SQOR: variants seen among roughly 807,000 people sequenced by gnomAD.
SQOR encodes the protein sulfide quinone oxidoreductase, also known as sulfide:quinone oxidoreductase, mitochondrial.
A neutral mutation model predicts 48.6 loss-of-function variants in SQOR; 39 were observed. The ratio of observed to expected loss-of-function variants is 0.80; its 90% CI spans 0.62 to 1.05. SQOR has a LOEUF of 1.05. Ranked by LOEUF, SQOR falls within the 50% of genes least tolerant of loss-of-function variation. SQOR has a pLI of 0.00. For missense variants in SQOR, 561 were observed against 559.9 expected, an observed-to-expected ratio of 1.00 and a Z score of -0.02; for synonymous variants, 220 against 206.2, an observed-to-expected ratio of 1.07 and a Z score of -0.57.
Position 45,651,335 on chromosome 15 carries a change from C to T in SQOR, c.-17-7572C>T, listed in dbSNP as rs143828559. Among the ~76,000 whole-genome samples the T allele has an allele frequency of 3.8e-3, 578 of 152,294 alleles. 3 individuals carry two copies. The highest frequency in any genetic ancestry group is 0.013 in the African/African-American group (550 of 41,578). On this transcript the variant is annotated intron_variant, in intron 1 of 9. Coordinates refer to ENST00000260324, the MANE Select transcript of SQOR (RefSeq NM_021199.4). Reference sequence around the variant, plus strand: ...GCTGAGCCCACGCCCACCCAGAACTCGTGCTGGCCCGCGAGCGTCGCTGGC... The same window carrying T: ...GCTGAGCCCACGCCCACCCAGAACTTGTGCTGGCCCGCGAGCGTCGCTGGC...
intron 2 of SQOR, among the ~76,000 whole-genome samples, chr15:45,661,352 A>C (rs1889717432): frequency 7.9e-5 from 12 of 151,140 alleles, no homozygotes; most frequent in Admixed American, 7.9e-4. Flanking sequence ...AAGATAGTGA[A>C]AGTTTGGGTA....
intron 1 of SQOR, among the ~76,000 whole-genome samples, chr15:45,650,841 C>T (rs1889470651): frequency 6.6e-6 from 1 of 152,180 alleles, no homozygotes; most frequent in Non-Finnish European, 1.5e-5. Context: ...TTCTCCAAGT[C>T]CCCACCAGAT....
chr15:45,662,238 C>G (rs140029707), intron 3 of SQOR, 113 bp downstream of exon 3: 1 of 1,134,506 alleles, frequency 8.8e-7, no homozygotes, highest in African/African-American at 1.5e-5. Context: ...CATGTGTGTG[C>G]ATGAACGTAT....
At chr15:45,646,038 A>G (rs1381174346) in intron 1 of SQOR, 1 of 152,170 alleles carries the variant, frequency 6.6e-6, no homozygotes. Context: ...TTCTCATTCA[A>G]AATACATATT....
chr15:45,653,453 T>C (rs962742215), intron 1 of SQOR, among the ~76,000 whole-genome samples: 1 of 152,044 alleles, frequency 6.6e-6, no homozygotes, highest in Non-Finnish European at 1.5e-5. Context: ...GGAAGAGACA[T>C]ATGGGGCAAG....
intron 1 of SQOR, among the ~76,000 whole-genome samples, chr15:45,652,595 A>T (rs1160869418): frequency 8.8e-6 from 1 of 113,546 alleles, no homozygotes; most frequent in Non-Finnish European, 1.7e-5. Context: ...TGACCCGCCC[A>T]CCTCAGCCTC....
chr15:45,650,538 G>A (rs1378490072), intron 1 of SQOR, among the ~76,000 whole-genome samples: 11 of 152,226 alleles, frequency 7.2e-5, no homozygotes, highest in African/African-American at 2.4e-4. Flanking sequence ...AGCAAAAGAA[G>A]AAAGCATCCA....
intron 1 of SQOR, among the ~76,000 whole-genome samples, chr15:45,657,873 A>G (rs1372916701): frequency 1.3e-5 from 2 of 152,172 alleles, no homozygotes; most frequent in Non-Finnish European, 2.9e-5. Context: ...GGTGAACCCT[A>G]AGAACTGGAC....
intron 1 of SQOR, among the ~76,000 whole-genome samples, chr15:45,647,304 T>C (rs923720631): frequency 6.7e-6 from 1 of 150,036 alleles, no homozygotes; most frequent in Non-Finnish European, 1.5e-5. Flanking sequence ...CCTCACTCCA[T>C]GGGATTCAAC....
chr15:45,653,813 G>A (rs1307871565), intron 1 of SQOR, among the ~76,000 whole-genome samples: 1 of 152,168 alleles, frequency 6.6e-6, no homozygotes, highest in Non-Finnish European at 1.5e-5. Context: ...AACAAAGACA[G>A]AATATGTTTT....
chr15:45,652,174 G>A (rs56081351), intron 1 of SQOR, among the ~76,000 whole-genome samples: 13,780 of 151,866 alleles, frequency 0.091, 752 homozygotes, highest in Middle Eastern at 0.22. Flanking sequence ...ACGTCCGGCC[G>A]GTAGTTAATT....
intron 6 of SQOR, among the ~76,000 whole-genome samples, chr15:45,681,097 C>T (rs1245123763): frequency 1.3e-5 from 2 of 151,920 alleles, no homozygotes; most frequent in African/African-American, 4.8e-5. Flanking sequence ...GTGCGTGCCT[C>T]CTGGCTGAGG....
At chr15:45,659,276 G>T in intron 2 of SQOR, 119 bp downstream of exon 2, 1 of 765,614 alleles carries the variant, frequency 1.3e-6, no homozygotes, top group Non-Finnish European at 1.9e-6. Flanking sequence ...CATATGTTCA[G>T]GTTAGGGCTT....
intron 1 of SQOR, among the ~76,000 whole-genome samples, chr15:45,651,534 G>A (rs1049648873): frequency 5.3e-5 from 8 of 152,276 alleles, no homozygotes; most frequent in Admixed American, 2.0e-4. Context: ...GAGCGAGTGA[G>A]GGCTGCGAGG....
At chr15:45,659,525 G>A (rs1889683236) in intron 2 of SQOR, among the ~76,000 whole-genome samples, 1 of 152,140 alleles carries the variant, frequency 6.6e-6, no homozygotes, top group Non-Finnish European at 1.5e-5. Flanking sequence ...CTGCAGCCTG[G>A]GTGAGAGGGA....
intron 1 of SQOR, among the ~76,000 whole-genome samples, chr15:45,647,198 G>A (rs1011254130): frequency 4.0e-5 from 6 of 151,834 alleles, no homozygotes; most frequent in African/African-American, 1.2e-4. Flanking sequence ...GCAGTGAGCC[G>A]AGATCATGCC....
intron 1 of SQOR, among the ~76,000 whole-genome samples, chr15:45,654,167 G>A (rs902506627): frequency 2.0e-5 from 3 of 150,386 alleles, no homozygotes; most frequent in Non-Finnish European, 3.0e-5. Flanking sequence ...CTGCATTATT[G>A]CCCTGGTTTG....
intron 2 of SQOR, among the ~76,000 whole-genome samples, chr15:45,661,115 C>A (rs1408956424): frequency 6.6e-6 from 1 of 151,742 alleles, no homozygotes; most frequent in Non-Finnish European, 1.5e-5. Context: ...AATGCCATCT[C>A]TACTAAAAAT....
chr15:45,690,082 C>CTTTTTTT lies in SQOR; in HGVS notation c.1295+875_1296-875dup, dbSNP rs11449007. On this transcript the variant is annotated intron_variant, in intron 9 of 9. Transcript: ENST00000260324. ...TAAAAACGAGTAATTCCTCTTCCTCCTTTTTTTTTTTTTTTTGGAGGCAAA... is the reference window on the plus strand; with the variant it reads ...TAAAAACGAGTAATTCCTCTTCCTCCTTTTTTTTTTTTTTTTTTTTTTTGGAGGCAAA... Among the ~76,000 whole-genome samples, 5 of 137,016 alleles carry CTTTTTTT rather than the reference C, an allele frequency of 3.6e-5. 1 individual carries two copies. The highest frequency in any genetic ancestry group is 4.6e-5 in the Non-Finnish European group (3 of 64,742). 89.9% of individuals were successfully genotyped at this position (137,016 alleles called of 152,430 possible). A position where few individuals can be genotyped will look rare whatever the true frequency, so the allele number is the denominator to read the frequency against.
Sources: gnomAD v4.1 joint callset for allele counts (sites outside exome capture counted in the v4.1 genomes callset) on GRCh38, gnomAD v4.1.1 for gene constraint, MANE v1.5 for transcripts, NCBI Gene and HGNC (gene_info 2026-07-23, HGNC 2026-07-21) for gene names.